WSB1: variants seen among roughly 807,000 people sequenced by gnomAD.
WSB1 encodes the protein WD repeat and SOCS box-containing protein 1.
In WSB1, 23 loss-of-function variants were observed where a neutral mutation model predicts 50.2. The ratio of observed to expected loss-of-function variants is 0.46; its 90% CI spans 0.33 to 0.65. WSB1 has a LOEUF of 0.65. WSB1 is among the 30% of genes least tolerant of loss of function. The pLI is 0.02. For synonymous variants in WSB1, 179 were observed against 172.0 expected, an observed-to-expected ratio of 1.04 and a Z score of -0.32; for missense variants, 492 against 522.3, an observed-to-expected ratio of 0.94 and a Z score of 0.56.
rs2017782924 is a variant in WSB1, at chr17:27,313,926, T to C, written c.*1557T>C. ...AGAAAAGTATCTTTTAGTGGGGAAC[T>C]ACCAGCCTATAGTAAGTCTATCTGG... On this transcript the variant is annotated 3_prime_UTR_variant, in exon 9 of 9. Transcript: ENST00000262394. 6.6e-6 allele frequency: 1 copy of C among 152,216 alleles called. No homozygotes were observed. The highest frequency in any genetic ancestry group is 2.4e-5 in the African/African-American group (1 of 41,450). 9.4% of individuals were successfully genotyped at this position (152,216 alleles called of 1,614,324 possible).
rs150883347 is a variant in WSB1 at position 27,295,474 on chromosome 17, T to C, written c.40+1039T>C. On this transcript the variant is annotated intron_variant, in intron 1 of 8. Transcript: ENST00000262394. ...ACAGCTGTTTTAGAATTCTGGACTT[T>C]TGTTGTCTTAGGGATGATTGATTAG... Among the ~76,000 whole-genome samples the C allele has an allele frequency of 1.9e-3, 292 of 152,304 alleles. 5 individuals carry two copies. Among genetic ancestry groups the C allele is most frequent in the Admixed American group, 0.015 (233 of 15,306 alleles).
chr17:27,303,301 A>T, intron 2 of WSB1, 66 bp from the exon 3 acceptor site: 1 of 1,512,032 alleles, frequency 6.6e-7, no homozygotes, highest in Non-Finnish European at 8.9e-7. Flanking sequence ...ACTTGTAATT[A>T]TTCAATGTCC....
rs781208437 is a variant in WSB1, at chr17:27,301,722, A to G, written c.41-66A>G. ...GGAAGAAACTCAATCCCAAAGTAAT[A>G]TGGAAGCAGTCTCACATGTATTGTT... On this transcript the variant is annotated intron_variant, in intron 1 of 8. Transcript: ENST00000262394. 5 of 1,544,670 alleles carry G rather than the reference A, an allele frequency of 3.2e-6. No individual in the cohort carries two copies. The East Asian group carries it at 9.0e-5, about 28-fold the overall frequency.
rs546782193 is a variant in WSB1, at chr17:27,301,645, C to T, written c.41-143C>T. 14 of 706,608 alleles carry T rather than the reference C, an allele frequency of 2.0e-5. No homozygotes were observed. The African/African-American group carries it at 2.0e-4, about 10-fold the overall frequency. The allele number at this position is 706,608 out of a possible 1,614,324, so 43.8% of individuals were successfully genotyped here. On this transcript the variant is annotated intron_variant, in intron 1 of 8. Transcript: ENST00000262394. ...AGGGGTCTTCATATACTGCATACCC[C>T]CCGTTAGAGGATGGAATGCAGAACT...
chr17:27,311,703 C>T (rs751157964), intron 8 of WSB1, 87 bp downstream of exon 8: 132 of 955,236 alleles, frequency 1.4e-4, no homozygotes, highest in Non-Finnish European at 1.9e-4. Context: ...GCAATCTCTG[C>T]TCACTGTAGC....
intron 1 of WSB1, 101 bp downstream of exon 1, chr17:27,294,536 C>T: frequency 6.6e-7 from 1 of 1,518,342 alleles, no homozygotes; most frequent in Non-Finnish European, 9.0e-7. Context: ...GAGGGAAGAG[C>T]TCCAGTGCGC....
intron 2 of WSB1, chr17:27,303,162 ACTC>A: frequency 1.8e-6 from 1 of 542,858 alleles, no homozygotes; most frequent in Non-Finnish European, 3.1e-6. Context: ...TGAACTTACT[ACTC>A]AGTCACTGAG....
intron 4 of WSB1, among the ~76,000 whole-genome samples, chr17:27,306,555 G>T (rs952184270): frequency 6.6e-6 from 1 of 152,118 alleles, no homozygotes; most frequent in African/African-American, 2.4e-5. Flanking sequence ...AATATTTGAG[G>T]CTTGTGAACC....
chr17:27,295,559 A>G (rs1336214406), intron 1 of WSB1, among the ~76,000 whole-genome samples: 3 of 152,120 alleles, frequency 2.0e-5, no homozygotes, highest in Admixed American at 6.6e-5. Context: ...CAGAAAAAAA[A>G]GGGAAAAAAT....
intron 3 of WSB1, 129 bp from the exon 4 acceptor site, chr17:27,304,651 G>A (rs1296497772): frequency 3.6e-6 from 3 of 830,836 alleles, no homozygotes; most frequent in South Asian, 1.9e-5. Context: ...GGTCGAGGCT[G>A]TAGTGAGCCA....
chr17:27,307,941 C>T (rs1440109111), intron 5 of WSB1: 2 of 1,249,428 alleles, frequency 1.6e-6, no homozygotes, highest in Non-Finnish European at 2.0e-6. Flanking sequence ...TGTCCACTTT[C>T]TGCTTTTCTT....
At chr17:27,298,126 G>GGA (rs1331629975) in intron 1 of WSB1, among the ~76,000 whole-genome samples, 1 of 74,220 alleles carries the variant, frequency 1.3e-5, no homozygotes, top group African/African-American at 5.7e-5. Flanking sequence ...CTCCGTCTCA[G>GGA]AAAAAAAAAA....
At position 27,312,488 on chromosome 17, in the gene WSB1, T is replaced by C. The variant is rs1400830594; in HGVS notation, c.*119T>C. 28 of 1,309,052 alleles carry C rather than the reference T, an allele frequency of 2.1e-5. No individual in the cohort carries two copies. Among genetic ancestry groups the C allele is most frequent in the Non-Finnish European group, 3.0e-5 (28 of 948,036 alleles). 81.1% of individuals were successfully genotyped at this position (1,309,052 alleles called of 1,614,324 possible). On this transcript the variant is annotated 3_prime_UTR_variant, in exon 9 of 9. Coordinates refer to ENST00000262394, the MANE Select transcript of WSB1 (RefSeq NM_015626.10). ...TAGAAGATTTATTTAATTTGATATG[T>C]TCTTGTACTGCATTTTGATCAGTTG...
intron 1 of WSB1, among the ~76,000 whole-genome samples, chr17:27,297,936 C>T (rs1382237519): frequency 3.3e-5 from 5 of 151,758 alleles, no homozygotes; most frequent in Non-Finnish European, 7.4e-5. Flanking sequence ...GGTGAAACTC[C>T]GTCTCTGCTA....
chr17:27,310,073 C>T lies in WSB1; in HGVS notation c.897C>T (p.Pro299=), dbSNP rs1321731161. The T allele has an allele frequency of 6.2e-7, 1 of 1,614,048 alleles. No individual in the cohort carries two copies. Among genetic ancestry groups the T allele is most frequent in the Admixed American group, 1.7e-5 (1 of 60,028 alleles). The stretch of plus-strand genomic sequence containing the variant: ...TATTTGACCTCAGGCACCTGTTTCC[C>T]CCACCTACTCCAATATTTGCTGGAG... The part of the protein sequence containing the change: ...DILMEFGHLF[P]PPTPIFAGGA... Residue 299 remains proline, a synonymous_variant, in exon 7 of 9, where the codon CCC becomes CCT. Transcript: ENST00000262394.
intron 7 of WSB1, 94 bp from the exon 8 acceptor site, chr17:27,311,415 C>A: frequency 5.6e-6 from 5 of 892,152 alleles, no homozygotes; most frequent in Admixed American, 2.6e-5. Flanking sequence ...TATTTTGTGA[C>A]TCATAACTCA....
intron 5 of WSB1, chr17:27,308,722 T>C (rs2017554613): frequency 1.0e-6 from 1 of 986,940 alleles, no homozygotes; most frequent in South Asian, 4.7e-5. Flanking sequence ...AAAAATCTGG[T>C]AGTTTCTGGA....
intron 1 of WSB1, among the ~76,000 whole-genome samples, chr17:27,300,816 A>G (rs1277743191): frequency 2.0e-5 from 3 of 151,772 alleles, no homozygotes; most frequent in African/African-American, 2.4e-5. Context: ...CAGCCTTCCA[A>G]GAAGCTGGGA....
intron 1 of WSB1, among the ~76,000 whole-genome samples, chr17:27,295,841 CTT>C (rs35532397): frequency 8.2e-5 from 12 of 146,210 alleles, no homozygotes; most frequent in Non-Finnish European, 1.4e-4. Context: ...TTCTCTCTCT[CTT>C]TTTTTTTTTT....
Sources: gnomAD v4.1 joint callset for allele counts (sites outside exome capture counted in the v4.1 genomes callset) on GRCh38, gnomAD v4.1.1 for gene constraint, MANE v1.5 for transcripts, NCBI Gene and HGNC (gene_info 2026-07-23, HGNC 2026-07-21) for gene names.